Variants in HDAC4 observed in about 807,000 individuals in gnomAD.
The protein encoded by HDAC4 is histone deacetylase A.
In HDAC4, 16 loss-of-function variants were observed where a neutral mutation model predicts 135.1. The ratio of observed to expected loss-of-function variants is 0.12; its 90% CI spans 0.08 to 0.18. The LOEUF is 0.18. HDAC4 is among the 10% of genes least tolerant of loss of function. HDAC4 has a pLI of 1.00. For synonymous variants in HDAC4, 685 were observed against 653.4 expected (o/e 1.05, Z -0.74); for missense variants, 1,143 against 1,511.8 (o/e 0.76, Z 4.05).
rs1307524741 is a variant in HDAC4 at position 239,275,633 on chromosome 2, G to A, written c.23-38969C>T. Among the ~76,000 whole-genome samples, 6 of 152,276 alleles carry A rather than the reference G, an allele frequency of 3.9e-5. No homozygotes were observed. In the East Asian group the frequency reaches 5.8e-4, roughly 15 times the overall value. ...CTGCCTGCACGGTCTGTGTGTGTGC[G>A]GGTGGCACACCTGGGTTCGGTACTG... On this transcript the variant is annotated intron_variant, in intron 2 of 26. Transcript: ENST00000543185.
At chr2:239,131,884 A>G (rs2040609979) in intron 11 of HDAC4, among the ~76,000 whole-genome samples, 1 of 152,236 alleles carries the variant, frequency 6.6e-6, no homozygotes, top group South Asian at 2.1e-4. Context: ...CCTGGCCAGT[A>G]CTGCTCTAGA....
At chr2:239,312,265 C>A (rs2125711419) in intron 2 of HDAC4, among the ~76,000 whole-genome samples, 1 of 152,280 alleles carries the variant, frequency 6.6e-6, no homozygotes. Flanking sequence ...ACTAAGAGAA[C>A]CCTGGTACCA....
At chr2:239,282,893 C>A (rs2050893003) in intron 2 of HDAC4, among the ~76,000 whole-genome samples, 1 of 151,774 alleles carries the variant, frequency 6.6e-6, no homozygotes. Flanking sequence ...TACCACTCTA[C>A]AATGAACACA....
intron 2 of HDAC4, among the ~76,000 whole-genome samples, chr2:239,244,396 C>T (rs576249665): frequency 2.0e-5 from 3 of 152,256 alleles, no homozygotes; most frequent in East Asian, 1.9e-4. Flanking sequence ...CCAAGACCTG[C>T]ACCTCCTGGA....
chr2:239,086,863 C>T (rs756903812), intron 19 of HDAC4, among the ~76,000 whole-genome samples: 20 of 152,244 alleles, frequency 1.3e-4, no homozygotes, highest in Non-Finnish European at 2.5e-4. Context: ...GGGAGACGCT[C>T]TTTCTAGCAC....
At chr2:239,181,989 C>A (rs555150331) in intron 4 of HDAC4, among the ~76,000 whole-genome samples, 5 of 152,322 alleles carry the variant, frequency 3.3e-5, no homozygotes, top group Non-Finnish European at 4.4e-5. Flanking sequence ...TGGAGCACAC[C>A]TTCCTAACGC....
chr2:239,286,143 G>C (rs2051123487), intron 2 of HDAC4, among the ~76,000 whole-genome samples: 1 of 152,096 alleles, frequency 6.6e-6, no homozygotes, highest in Non-Finnish European at 1.5e-5. Context: ...TGTATGTTTT[G>C]ATTAAATAAA....
At chr2:239,166,531 G>A (rs567225005) in intron 5 of HDAC4, among the ~76,000 whole-genome samples, 13 of 152,260 alleles carry the variant, frequency 8.5e-5, no homozygotes, top group African/African-American at 1.2e-4. Context: ...GGCACCCGGC[G>A]TTAGACTCGA....
At chr2:239,279,003 G>T (rs370340745) in intron 2 of HDAC4, among the ~76,000 whole-genome samples, 7 of 152,198 alleles carry the variant, frequency 4.6e-5, no homozygotes, top group Non-Finnish European at 1.0e-4. Context: ...CTATGCTGCC[G>T]GCAGGACTGA....
At chr2:239,106,205 C>T (rs558234124) in intron 15 of HDAC4, among the ~76,000 whole-genome samples, 6 of 152,182 alleles carry the variant, frequency 3.9e-5, no homozygotes, top group South Asian at 2.1e-4. Flanking sequence ...TGAGGGCGGG[C>T]GGAGGAGCGG....
At chr2:239,131,751 C>T (rs1286553590) in intron 11 of HDAC4, among the ~76,000 whole-genome samples, 1 of 152,220 alleles carries the variant, frequency 6.6e-6, no homozygotes, top group Non-Finnish European at 1.5e-5. Context: ...CCTTCTGTGA[C>T]AATGAGAACA....
At chr2:239,095,338 A>G (rs1261813800) in intron 16 of HDAC4, among the ~76,000 whole-genome samples, 1 of 152,188 alleles carries the variant, frequency 6.6e-6, no homozygotes, top group Non-Finnish European at 1.5e-5. Flanking sequence ...GAGAGGCACC[A>G]AGCCACTGGG....
Position 239,144,639 on chromosome 2 carries a change from C to A in HDAC4, c.809G>T (p.Arg270Leu). Reference protein sequence around the residue: ...VAERRSSPLLRRKDGPVVTAL... With the variant: ...VAERRSSPLLLRKDGPVVTAL... ...AGTGACCACTGGCCCGTCTTTCCTGCGTAACAGGGGGCTGCTCCGTCTTTC... is the reference window on the plus strand; with the variant it reads ...AGTGACCACTGGCCCGTCTTTCCTGAGTAACAGGGGGCTGCTCCGTCTTTC... Residue 270 changes from arginine (R) to leucine (L), a missense_variant, in exon 8 of 27, where the codon CGC becomes CTC. Physicochemically the swap from Arg to Leu is moderately radical, Grantham distance 102. Transcript: ENST00000543185. 3 of 1,614,206 alleles carry A rather than the reference C, an allele frequency of 1.9e-6. No individual in the cohort carries two copies. Among genetic ancestry groups the A allele is most frequent in the Non-Finnish European group, 2.5e-6 (3 of 1,180,022 alleles).
chr2:239,194,531 G>A (rs757147283), intron 3 of HDAC4, among the ~76,000 whole-genome samples: 2 of 152,126 alleles, frequency 1.3e-5, no homozygotes, highest in Non-Finnish European at 2.9e-5. Flanking sequence ...GTCACAGCTC[G>A]ACCCAAGTCT....
chr2:239,089,728 CTT>C (rs372528457), intron 18 of HDAC4: 3,783 of 290,412 alleles, frequency 0.013, no homozygotes, highest in East Asian at 0.021. Flanking sequence ...CTCTTTGGAG[CTT>C]TTTTTTTTTT....
At chr2:239,329,197 C>G (rs1197137837) in intron 2 of HDAC4, among the ~76,000 whole-genome samples, 1 of 152,066 alleles carries the variant, frequency 6.6e-6, no homozygotes, top group South Asian at 2.1e-4. Flanking sequence ...TAGCCCACTC[C>G]CAGAAGGACT....
intron 3 of HDAC4, among the ~76,000 whole-genome samples, chr2:239,211,904 C>T (rs2046370544): frequency 2.0e-5 from 3 of 152,192 alleles, no homozygotes; most frequent in East Asian, 3.9e-4. Flanking sequence ...GGAGCTTCCT[C>T]GAGAGCAGTC....
chr2:239,117,435 G>A (rs990590426), intron 12 of HDAC4, among the ~76,000 whole-genome samples: 1 of 152,072 alleles, frequency 6.6e-6, no homozygotes, highest in African/African-American at 2.4e-5. Context: ...AGAGAGGGTG[G>A]CCAGGACAAC....
rs573283441 is a variant in HDAC4, at chr2:239,397,986, G to A, written c.-220+2992C>T. 4.4e-4 allele frequency among the ~76,000 whole-genome samples: 67 copies of A among 152,296 alleles called. No homozygotes were observed. The South Asian group carries it at 0.013, about 30-fold the overall frequency. On this transcript the variant is annotated intron_variant, in intron 1 of 26. Transcript: ENST00000543185. ...CTCCTTACCCCAGGACAGACTGGGGGCTGCCAACAACAGGGCAGGGGCTCA... is the reference window on the plus strand; with the variant it reads ...CTCCTTACCCCAGGACAGACTGGGGACTGCCAACAACAGGGCAGGGGCTCA...
Sources: gnomAD v4.1 joint callset for allele counts (sites outside exome capture counted in the v4.1 genomes callset) on GRCh38, gnomAD v4.1.1 for gene constraint, MANE v1.5 for transcripts, NCBI Gene and HGNC (gene_info 2026-07-23, HGNC 2026-07-21) for gene names.